P2RY14: variants seen among roughly 807,000 people sequenced by gnomAD.
The protein encoded by P2RY14 is purinergic receptor P2Y14.
P2RY14 carries 2 observed loss-of-function variants against 0.9 expected under a neutral mutation model. The ratio of observed to expected loss-of-function variants is 2.16; its 90% CI spans 0.88 to 6.79. The LOEUF is 6.79. Among genes scored for constraint, P2RY14 ranks in the 30% most tolerant of loss-of-function variants. The probability of loss-of-function intolerance (pLI) is 0.05; values close to 1 mark genes in which losing one functional copy is unlikely to be tolerated. For synonymous variants in P2RY14, 158 were observed against 147.2 expected, an observed-to-expected ratio of 1.07 and a Z score of -0.53; for missense variants, 378 against 400.1, an observed-to-expected ratio of 0.94 and a Z score of 0.47.
intron 1 of P2RY14, among the ~76,000 whole-genome samples, chr3:151,220,414 G>A (rs1185180683): frequency 6.6e-6 from 1 of 152,102 alleles, no homozygotes; most frequent in Admixed American, 6.6e-5. Context: ...CATTACCTGG[G>A]ATCTTGCTAA....
intron 1 of P2RY14, among the ~76,000 whole-genome samples, chr3:151,261,915 C>T (rs868163688): frequency 6.6e-6 from 1 of 151,882 alleles, no homozygotes; most frequent in South Asian, 2.1e-4. Context: ...TTAGTAGAGA[C>T]GGGGTTTCAC....
At chr3:151,274,773 G>A (rs908957030) in intron 1 of P2RY14, among the ~76,000 whole-genome samples, 3 of 152,154 alleles carry the variant, frequency 2.0e-5, no homozygotes, top group Non-Finnish European at 2.9e-5. Context: ...ATTCCTAGGA[G>A]TGATGATGTT....
intron 1 of P2RY14, among the ~76,000 whole-genome samples, chr3:151,245,229 A>G (rs1735147095): frequency 6.6e-6 from 1 of 152,214 alleles, no homozygotes; most frequent in South Asian, 2.1e-4. Flanking sequence ...AAACTACTCC[A>G]ATCAATAGAA....
chr3:151,267,857 G>A (rs539651009), intron 1 of P2RY14, among the ~76,000 whole-genome samples: 2 of 152,268 alleles, frequency 1.3e-5, no homozygotes, highest in South Asian at 2.1e-4. Flanking sequence ...CAAGGAAACA[G>A]CTGTCAAAAT....
rs10627724 is a variant in P2RY14 at position 151,261,685 on chromosome 3, GTGTTTTGTTT to G, written c.-133+16592_-133+16601del. On this transcript the variant is annotated intron_variant, in intron 1 of 2. Transcript: ENST00000309170. ...CTGGGGAGGGGTCCAGTGGTACGTG[GTGTTTTGTTT>G]TGTTTTGTTTTGTTTTGTTTTGTTT... is the stretch of plus-strand genomic sequence containing the variant. Among the ~76,000 whole-genome samples the G allele has an allele frequency of 3.1e-3, 467 of 148,752 alleles. 5 individuals are homozygous for G. The highest frequency in any genetic ancestry group is 9.0e-3 in the African/African-American group (360 of 40,016).
intron 1 of P2RY14, among the ~76,000 whole-genome samples, chr3:151,222,200 C>T (rs2149272123): frequency 6.6e-6 from 1 of 152,346 alleles, no homozygotes; most frequent in East Asian, 1.9e-4. Flanking sequence ...AAGTAACTAA[C>T]TTGCTTTAGA....
At chr3:151,260,901 T>C (rs1738737042) in intron 1 of P2RY14, among the ~76,000 whole-genome samples, 1 of 152,198 alleles carries the variant, frequency 6.6e-6, no homozygotes, top group South Asian at 2.1e-4. Flanking sequence ...TATCTTTATC[T>C]TGACGGCGTC....
Position 151,214,262 on chromosome 3 carries a change from G to A in P2RY14, c.55C>T (p.Leu19=). Residue 19 remains leucine (L), a synonymous_variant, in exon 3 of 3, where the codon CTG becomes TTG. Coordinates refer to ENST00000309170, the MANE Select transcript of P2RY14 (RefSeq NM_014879.4). ...ACAGGAATGATCTGCTGAGTGATCA[G>A]GAGGTTCTGAGAGCAGGATTCATCT... is the stretch of plus-strand genomic sequence containing the variant. ...PPDESCSQNL[L]ITQQIIPVLY... 6.2e-7 allele frequency: 1 copy of A among 1,614,034 alleles called. No individual in the cohort carries two copies. Among genetic ancestry groups the A allele is most frequent in the Non-Finnish European group, 8.5e-7 (1 of 1,179,956 alleles).
chr3:151,227,393 C>G (rs1392245087), intron 1 of P2RY14, among the ~76,000 whole-genome samples: 2 of 152,076 alleles, frequency 1.3e-5, no homozygotes, highest in Non-Finnish European at 2.9e-5. Context: ...ACAGATCCAA[C>G]TCTTGATTAT....
At chr3:151,246,563 G>A (rs1217143905) in intron 1 of P2RY14, among the ~76,000 whole-genome samples, 2 of 152,212 alleles carry the variant, frequency 1.3e-5, no homozygotes, top group Admixed American at 1.3e-4. Flanking sequence ...AAACTGGCTA[G>A]CCATATGTAG....
intron 1 of P2RY14, among the ~76,000 whole-genome samples, chr3:151,222,974 T>C (rs1157328031): frequency 6.6e-6 from 1 of 152,208 alleles, no homozygotes; most frequent in African/African-American, 2.4e-5. Context: ...TGGTATTTTA[T>C]ACCTATTTGA....
chr3:151,212,145 A>G lies in P2RY14; in HGVS notation c.*1155T>C, dbSNP rs149947470. ...TATTAAAACATTTCTTTATTAGTAT[A>G]TAGACAGTAAAGCATGAAATAGATA... is the stretch of plus-strand genomic sequence containing the variant. On this transcript the variant is annotated 3_prime_UTR_variant, in exon 3 of 3. Coordinates refer to ENST00000309170, the MANE Select transcript of P2RY14 (RefSeq NM_014879.4). 1 of 152,224 alleles carries G rather than the reference A, an allele frequency of 6.6e-6. No homozygotes were observed. The highest frequency in any genetic ancestry group is 6.5e-5 in the Admixed American group (1 of 15,284). The allele number at this position is 152,224 out of a possible 1,614,324, so 9.4% of individuals were successfully genotyped here.
At chr3:151,219,458 A>G (rs917822811) in intron 2 of P2RY14, 77 bp downstream of exon 2, 12 of 152,224 alleles carry the variant, frequency 7.9e-5, no homozygotes, top group African/African-American at 2.9e-4. Context: ...TTCTGTGAAG[A>G]AAAGAATTTT....
chr3:151,234,085 T>A (rs1732257416), intron 1 of P2RY14, among the ~76,000 whole-genome samples: 1 of 152,208 alleles, frequency 6.6e-6, no homozygotes, highest in Non-Finnish European at 1.5e-5. Context: ...TTTAGGTGTA[T>A]GCCCTAGAAA....
At chr3:151,221,911 G>A (rs373344531) in intron 1 of P2RY14, among the ~76,000 whole-genome samples, 13 of 152,166 alleles carry the variant, frequency 8.5e-5, no homozygotes, top group Admixed American at 5.2e-4. Context: ...AGCTTGCACC[G>A]CTGGTCTGGA....
intron 1 of P2RY14, among the ~76,000 whole-genome samples, chr3:151,266,010 T>C (rs1739765568): frequency 6.6e-6 from 1 of 152,206 alleles, no homozygotes. Context: ...TTCAGGTTGC[T>C]CAGTTACAAG....
Position 151,237,038 on chromosome 3 carries a change from T to C in P2RY14, c.-132-17396A>G, listed in dbSNP as rs375115110. ...ATGAATGTTAAACTTCAGGAAGTGA[T>C]GCCAAACTTTTTTTTTTTTTTTTTT... is the stretch of plus-strand genomic sequence containing the variant. On this transcript the variant is annotated intron_variant, in intron 1 of 2. Coordinates refer to ENST00000309170, the MANE Select transcript of P2RY14 (RefSeq NM_014879.4). Among the ~76,000 whole-genome samples the C allele has an allele frequency of 2.0e-4, 30 of 150,606 alleles. No homozygotes were observed. The East Asian group carries it at 5.6e-3, about 28-fold the overall frequency.
intron 1 of P2RY14, among the ~76,000 whole-genome samples, chr3:151,259,701 T>C (rs552045331): frequency 6.6e-6 from 1 of 152,362 alleles, no homozygotes; most frequent in South Asian, 2.1e-4. Context: ...TTTATTGAGC[T>C]TCTACTGTGT....
intron 1 of P2RY14, among the ~76,000 whole-genome samples, chr3:151,247,349 A>T (rs1033827303): frequency 1.3e-5 from 2 of 152,138 alleles, no homozygotes; most frequent in Non-Finnish European, 2.9e-5. Flanking sequence ...AATAGCAAAG[A>T]CTTGGAACCA....
Sources: allele counts gnomAD v4.1 joint callset (sites outside exome capture counted in the v4.1 genomes callset), GRCh38; gene constraint gnomAD v4.1.1; transcripts MANE v1.5; gene names NCBI Gene and HGNC (gene_info 2026-07-23, HGNC 2026-07-21).